The following XKR3 variants were observed in gnomAD, a reference collection of about 807,000 sequenced individuals.
The protein encoded by XKR3 is XK related 3, also known as XK-related protein 3.
A neutral mutation model predicts 40.3 loss-of-function variants in XKR3; 27 were observed. That is an observed-to-expected ratio of 0.67 (90% CI 0.49 to 0.92). XKR3 has a LOEUF of 0.92. Among genes scored for constraint, XKR3 ranks in the 40% least tolerant of loss-of-function variants. The pLI, the probability that XKR3 is intolerant of heterozygous loss-of-function variation, is 0.00. For synonymous variants in XKR3, 193 were observed against 195.4 expected, an observed-to-expected ratio of 0.99 and a Z score of 0.10; for missense variants, 472 against 537.6, an observed-to-expected ratio of 0.88 and a Z score of 1.21.
intron 1 of XKR3, among the ~76,000 whole-genome samples, chr22:16,818,866 C>G (rs1242741836): frequency 6.6e-6 from 1 of 152,104 alleles, no homozygotes; most frequent in Non-Finnish European, 1.5e-5. Context: ...CTTGACTGCT[C>G]TTTCCACTAC....
At chr22:16,806,471 T>TG (rs895004250) in intron 2 of XKR3, among the ~76,000 whole-genome samples, 5 of 147,672 alleles carry the variant, frequency 3.4e-5, no homozygotes, top group African/African-American at 1.2e-4. Flanking sequence ...TAGTTAAGGT[T>TG]TTTTTTTTTT....
intron 3 of XKR3, among the ~76,000 whole-genome samples, chr22:16,790,187 C>G (rs1161679599): frequency 6.6e-6 from 1 of 151,092 alleles, no homozygotes. Context: ...AATGAAAACC[C>G]TAAACTGTCA....
rs373106676 is a variant in XKR3, at chr22:16,819,795, G to A, written c.-11+5496C>T. Among the ~76,000 whole-genome samples, 25 of 152,266 alleles carry A rather than the reference G, an allele frequency of 1.6e-4. 1 individual carries two copies. The highest frequency in any genetic ancestry group is 1.3e-3 in the East Asian group (7 of 5,190). Reference sequence around the variant, plus strand: ...TCAAAACTTAAAACTTCTGCTCTGTGAAATAACTTATGAAGAGACTAGAAA... The same window carrying A: ...TCAAAACTTAAAACTTCTGCTCTGTAAAATAACTTATGAAGAGACTAGAAA... On this transcript the variant is annotated intron_variant, in intron 1 of 3. Transcript: ENST00000684488.
At chr22:16,795,069 G>T (rs957248281) in intron 3 of XKR3, among the ~76,000 whole-genome samples, 7 of 152,166 alleles carry the variant, frequency 4.6e-5, no homozygotes, top group African/African-American at 1.7e-4. Flanking sequence ...CACATCTACA[G>T]AATGAACATG....
At chr22:16,794,775 T>A (rs2060133610) in intron 3 of XKR3, among the ~76,000 whole-genome samples, 1 of 152,164 alleles carries the variant, frequency 6.6e-6, no homozygotes. Context: ...ATCTGTGGTC[T>A]TCAAGGCACT....
intron 1 of XKR3, among the ~76,000 whole-genome samples, chr22:16,819,427 G>A (rs1382484294): frequency 6.6e-6 from 1 of 151,918 alleles, no homozygotes; most frequent in African/African-American, 2.4e-5. Context: ...AAAAAATGTA[G>A]AAAAGGAAGC....
intron 3 of XKR3, among the ~76,000 whole-genome samples, chr22:16,799,498 T>C (rs738047): frequency 0.29 from 43,775 of 149,100 alleles, 6,560 homozygotes; most frequent in Middle Eastern, 0.39. Context: ...CTTATTCCTC[T>C]GCTTCATCTC....
At chr22:16,792,783 T>C (rs2060125780) in intron 3 of XKR3, among the ~76,000 whole-genome samples, 1 of 152,230 alleles carries the variant, frequency 6.6e-6, no homozygotes, top group Non-Finnish European at 1.5e-5. Flanking sequence ...TGATGTTTTG[T>C]TCAAGTCTAT....
In XKR3 at chr22:16,800,015, G is replaced by A. The variant is rs200976040; in HGVS notation, c.345C>T (p.His115=). 86 of 1,613,732 alleles carry A rather than the reference G, an allele frequency of 5.3e-5. No homozygotes were observed. Among genetic ancestry groups the A allele is most frequent in the Non-Finnish European group, 7.2e-5 (85 of 1,179,818 alleles). Residue 115 remains histidine (H), a synonymous_variant, in exon 3 of 4, where the codon CAC becomes CAT. Transcript: ENST00000684488. The part of the protein sequence containing the change: ...LLLGPIVRCL[H]TIRNYHKWLK... ...ACCATTTGTGGTAATTTCTAATGGT[G>A]TGCAAACACCTGTTAACATGAAGTA...
At chr22:16,811,631 A>ATTTATAAAT (rs1228578204) in intron 1 of XKR3, among the ~76,000 whole-genome samples, 5 of 152,166 alleles carry the variant, frequency 3.3e-5, no homozygotes, top group Non-Finnish European at 5.9e-5. Context: ...TATATTCTTC[A>ATTTATAAAT]CGTGTACGCT....
intron 2 of XKR3, among the ~76,000 whole-genome samples, chr22:16,802,013 A>C (rs1185910211): frequency 3.3e-5 from 5 of 152,214 alleles, no homozygotes; most frequent in South Asian, 2.1e-4. Flanking sequence ...ACCATTCTTT[A>C]AACAAACAGA....
Position 16,809,695 on chromosome 22 carries a change from A to G in XKR3, c.-10-1612T>C, listed in dbSNP as rs141209001. On this transcript the variant is annotated intron_variant, in intron 1 of 3. Transcript: ENST00000684488. ...TTAACCAGTCAGGCTTTCATCCCCAACGGTCCACCAAAAGTACTATATTTA... is the reference window on the plus strand; with the variant it reads ...TTAACCAGTCAGGCTTTCATCCCCAGCGGTCCACCAAAAGTACTATATTTA... Among the ~76,000 whole-genome samples the G allele has an allele frequency of 2.2e-3, 341 of 152,224 alleles. 4 individuals are homozygous for G. Among genetic ancestry groups the G allele is most frequent in the African/African-American group, 7.8e-3 (324 of 41,528 alleles).
At chr22:16,815,475 A>C (rs964689744) in intron 1 of XKR3, among the ~76,000 whole-genome samples, 2 of 152,046 alleles carry the variant, frequency 1.3e-5, no homozygotes, top group African/African-American at 4.8e-5. Flanking sequence ...TGAGCTGGAA[A>C]GTCTGTTAAT....
At chr22:16,796,180 A>ATCT (rs1263527511) in intron 3 of XKR3, among the ~76,000 whole-genome samples, 5 of 152,200 alleles carry the variant, frequency 3.3e-5, no homozygotes, top group Admixed American at 6.5e-5. Context: ...ATAGGCCAAT[A>ATCT]TCTATGCCTT....
intron 1 of XKR3, among the ~76,000 whole-genome samples, chr22:16,823,882 T>A (rs575059709): frequency 3.2e-4 from 48 of 152,176 alleles, no homozygotes; most frequent in Non-Finnish European, 1.5e-5. Flanking sequence ...AGATTCTTGA[T>A]GTAACAACAG....
intron 1 of XKR3, among the ~76,000 whole-genome samples, chr22:16,812,126 T>G (rs1443564045): frequency 6.6e-6 from 1 of 152,206 alleles, no homozygotes; most frequent in African/African-American, 2.4e-5. Context: ...ACATGGCCAC[T>G]TCCTCCAGTT....
At chr22:16,799,649 T>C in intron 3 of XKR3, 122 bp downstream of exon 3, 1 of 1,149,762 alleles carries the variant, frequency 8.7e-7, no homozygotes, top group Non-Finnish European at 1.2e-6. Flanking sequence ...AGAAACTCAA[T>C]CTTATAAAAA....
intron 3 of XKR3, among the ~76,000 whole-genome samples, chr22:16,797,632 A>C (rs1306380384): frequency 6.6e-6 from 1 of 151,576 alleles, no homozygotes; most frequent in African/African-American, 2.4e-5. Context: ...CTCTACTAAA[A>C]ATACAAAAAA....
intron 2 of XKR3, among the ~76,000 whole-genome samples, chr22:16,806,398 T>C (rs548020290): frequency 6.6e-6 from 1 of 151,950 alleles, no homozygotes; most frequent in Admixed American, 6.6e-5. Flanking sequence ...TACATGTTTA[T>C]ATAATTCATA....
Sources: allele counts gnomAD v4.1 joint callset (sites outside exome capture counted in the v4.1 genomes callset), GRCh38; gene constraint gnomAD v4.1.1; transcripts MANE v1.5; gene names NCBI Gene and HGNC (gene_info 2026-07-23, HGNC 2026-07-21).